The following VEPH1 variants were observed in gnomAD, a reference collection of about 807,000 sequenced individuals.
VEPH1 encodes the protein ventricular zone-expressed PH domain-containing protein homolog 1.
Under a neutral mutation model 85.2 loss-of-function variants are expected in VEPH1, and 80 were observed. That is an observed-to-expected ratio of 0.94 (90% confidence interval 0.78 to 1.13). The LOEUF (loss-of-function observed/expected upper bound fraction) is 1.13. Ranked by LOEUF, VEPH1 falls within the 50% of genes most tolerant of loss-of-function variation. VEPH1 has a pLI of 0.00. For synonymous variants in VEPH1, 297 were observed against 348.0 expected (o/e 0.85, Z 1.63); for missense variants, 955 against 980.5 (o/e 0.97, Z 0.35).
At position 157,473,740 on chromosome 3, in the gene VEPH1, T is replaced by C. The variant is rs186082121; in HGVS notation, c.139-3211A>G. 4.6e-5 allele frequency among the ~76,000 whole-genome samples: 7 copies of C among 152,296 alleles called. No individual in the cohort carries two copies. The East Asian group carries it at 1.3e-3, about 29-fold the overall frequency. ...TTAATTTCCCTAGTAAGCATTATGC[T>C]GGCTTTTTGGGTGAGAGATTTTATA... On this transcript the variant is annotated intron_variant, in intron 2 of 13. Transcript: ENST00000362010.
At chr3:157,428,561 G>A (rs923950377) in intron 4 of VEPH1, 73 bp from the exon 5 acceptor site, 165 of 1,465,620 alleles carry the variant, frequency 1.1e-4, no homozygotes, top group Non-Finnish European at 1.5e-4. Context: ...TATTACCAAT[G>A]TAATAATATT....
At chr3:157,411,599 A>G (rs13099226) in intron 6 of VEPH1, among the ~76,000 whole-genome samples, 20,870 of 152,078 alleles carry the variant, frequency 0.14, 1,724 homozygotes, top group South Asian at 0.29. Flanking sequence ...ATTCTATGGG[A>G]TCCAAGACTG....
At chr3:157,442,967 G>A in intron 4 of VEPH1, 2 of 1,598,416 alleles carry the variant, frequency 1.3e-6, no homozygotes, top group South Asian at 2.2e-5. Context: ...GAGGAGCTCA[G>A]TATGTTTCAT....
intron 12 of VEPH1, among the ~76,000 whole-genome samples, chr3:157,283,116 A>G (rs1224716957): frequency 3.9e-5 from 6 of 152,220 alleles, no homozygotes; most frequent in Non-Finnish European, 7.3e-5. Flanking sequence ...GATCACTTCT[A>G]AAAAATTAAA....
intron 9 of VEPH1, 29 bp from the exon 10 acceptor site, chr3:157,317,230 G>C: frequency 6.4e-7 from 1 of 1,571,540 alleles, no homozygotes; most frequent in Non-Finnish European, 8.6e-7. Context: ...AGCGTTAAAC[G>C]TTATGGTCTT....
intron 11 of VEPH1, among the ~76,000 whole-genome samples, chr3:157,290,246 A>G (rs2108394559): frequency 6.6e-6 from 1 of 152,290 alleles, no homozygotes; most frequent in South Asian, 2.1e-4. Flanking sequence ...ACAACTGCAA[A>G]AAAATGATTC....
chr3:157,461,869 T>C (rs1735905039), intron 3 of VEPH1, among the ~76,000 whole-genome samples: 1 of 151,866 alleles, frequency 6.6e-6, no homozygotes, highest in Non-Finnish European at 1.5e-5. Context: ...AGGCAAGGAC[T>C]TCCTTAAACC....
intron 4 of VEPH1, among the ~76,000 whole-genome samples, chr3:157,456,767 A>C (rs1229869595): frequency 6.6e-6 from 1 of 151,924 alleles, no homozygotes; most frequent in Non-Finnish European, 1.5e-5. Context: ...TGTTTTGCTT[A>C]CTATATCCCT....
intron 12 of VEPH1, among the ~76,000 whole-genome samples, chr3:157,270,382 A>G (rs1714386414): frequency 6.6e-6 from 1 of 152,156 alleles, no homozygotes; most frequent in African/African-American, 2.4e-5. Context: ...TAAAATATCA[A>G]CTGGCTATAA....
intron 4 of VEPH1, chr3:157,459,885 G>A (rs1322024899): frequency 6.5e-7 from 1 of 1,537,212 alleles, no homozygotes; most frequent in South Asian, 1.2e-5. Flanking sequence ...ACAGTTGGTA[G>A]TTGAACAGGT....
intron 12 of VEPH1, 93 bp downstream of exon 12, chr3:157,286,464 A>G (rs147766470): frequency 2.1e-6 from 2 of 932,576 alleles, no homozygotes; most frequent in East Asian, 4.8e-5. Flanking sequence ...GGGGATGTTT[A>G]TGCAAGAGGA....
At chr3:157,365,758 T>C (rs1005162490) in intron 7 of VEPH1, among the ~76,000 whole-genome samples, 1 of 152,118 alleles carries the variant, frequency 6.6e-6, no homozygotes, top group South Asian at 2.1e-4. Context: ...AAGAGATGCA[T>C]AGGGCAAGGT....
At chr3:157,330,461 G>A (rs1411104021) in intron 9 of VEPH1, among the ~76,000 whole-genome samples, 2 of 152,144 alleles carry the variant, frequency 1.3e-5, no homozygotes, top group Admixed American at 6.5e-5. Flanking sequence ...TCATGAACAC[G>A]CAACCATCTG....
At chr3:157,432,851 G>A (rs1055497867) in intron 4 of VEPH1, among the ~76,000 whole-genome samples, 21 of 152,018 alleles carry the variant, frequency 1.4e-4, no homozygotes, top group Admixed American at 2.6e-4. Context: ...TGACATCTTC[G>A]TAAAACTGAG....
chr3:157,265,901 A>T (rs1281655916), intron 12 of VEPH1, among the ~76,000 whole-genome samples: 1 of 151,860 alleles, frequency 6.6e-6, no homozygotes, highest in Admixed American at 6.6e-5. Flanking sequence ...ATTGGTTCAC[A>T]CAAAGAGCAT....
intron 11 of VEPH1, among the ~76,000 whole-genome samples, chr3:157,297,418 T>C (rs1414852493): frequency 1.3e-5 from 2 of 152,066 alleles, no homozygotes; most frequent in Non-Finnish European, 2.9e-5. Context: ...AATAATGACA[T>C]GTGCATGCTT....
intron 4 of VEPH1, among the ~76,000 whole-genome samples, chr3:157,452,479 G>A (rs1735053487): frequency 6.6e-6 from 1 of 152,192 alleles, no homozygotes. Flanking sequence ...AGGAAGAAAT[G>A]TCTAGTACTC....
intron 11 of VEPH1, among the ~76,000 whole-genome samples, chr3:157,303,637 A>G (rs999903977): frequency 6.6e-6 from 1 of 152,158 alleles, no homozygotes; most frequent in Non-Finnish European, 1.5e-5. Context: ...TTGCCTCTGC[A>G]TCCACATTCC....
At chr3:157,415,750 A>T (rs768758399) in intron 5 of VEPH1, among the ~76,000 whole-genome samples, 19 of 152,094 alleles carry the variant, frequency 1.2e-4, no homozygotes, top group Admixed American at 5.2e-4. Context: ...AATTTTTTTT[A>T]AAAATTCTTA....
Sources: gnomAD v4.1 joint callset for allele counts (sites outside exome capture counted in the v4.1 genomes callset) on GRCh38, gnomAD v4.1.1 for gene constraint, MANE v1.5 for transcripts, NCBI Gene and HGNC (gene_info 2026-07-23, HGNC 2026-07-21) for gene names.